NRXN2: variants seen among roughly 807,000 people sequenced by gnomAD.
NRXN2 encodes the protein neurexin 2, also known as neurexin-2-beta.
Under a neutral mutation model 128.8 loss-of-function variants are expected in NRXN2, and 29 were observed. The ratio of observed to expected loss-of-function variants is 0.23; its 90% confidence interval spans 0.17 to 0.31. The LOEUF is 0.31. Among genes scored for constraint, NRXN2 ranks in the 10% least tolerant of loss-of-function variants. The pLI, the probability that NRXN2 is intolerant of heterozygous loss-of-function variation, is 1.00. For missense variants in NRXN2, 1,881 were observed against 2,452.6 expected (o/e 0.77, Z 4.92); for synonymous variants, 1,098 against 1,075.2 (o/e 1.02, Z -0.41).
In NRXN2 at chr11:64,660,606, A is replaced by G. The variant is rs894781552; in HGVS notation, c.2186-71T>C. On this transcript the variant is annotated intron_variant, in intron 10 of 22. Transcript: ENST00000265459. The surrounding 1 kb of genome is among the most constrained non-coding windows in gnomAD (Gnocchi z 5.2). ...GCCAGGGGAGGGAGAAGACCAGAGA[A>G]TCATTACAAGGGCGAAAAGCCTAGG... 1 of 1,594,836 alleles carries G rather than the reference A, an allele frequency of 6.3e-7. No individual in the cohort carries two copies. The highest frequency in any genetic ancestry group is 1.3e-5 in the African/African-American group (1 of 74,718).
chr11:64,626,157 C>T (rs2043043129), intron 20 of NRXN2, among the ~76,000 whole-genome samples: 1 of 152,122 alleles, frequency 6.6e-6, no homozygotes, highest in Non-Finnish European at 1.5e-5. Flanking sequence ...TACTGCCGGG[C>T]TCACAGTGGG....
At chr11:64,671,035 A>G (rs2050561464) in intron 7 of NRXN2, among the ~76,000 whole-genome samples, 1 of 152,212 alleles carries the variant, frequency 6.6e-6, no homozygotes, top group African/African-American at 2.4e-5. Context: ...AAGAGGTGAC[A>G]GTGTGGGGTA....
At position 64,681,201 on chromosome 11, in the gene NRXN2, G is replaced by T. The variant is rs1306736233; in HGVS notation, c.1153-4164C>A. Among the ~76,000 whole-genome samples, 7 of 151,060 alleles carry T rather than the reference G, an allele frequency of 4.6e-5. No homozygotes were observed. In the South Asian group the frequency reaches 1.5e-3, roughly 32 times the overall value. ...GTTCAGTGCTCACATGAAGTAGTTA[G>T]ATCTGCTACTTTTGGACATGGGTCC... On this transcript the variant is annotated intron_variant, in intron 6 of 22. Coordinates refer to ENST00000265459, the MANE Select transcript of NRXN2 (RefSeq NM_015080.4).
chr11:64,639,529 A>G (rs1014141884), intron 17 of NRXN2, among the ~76,000 whole-genome samples: 1 of 152,162 alleles, frequency 6.6e-6, no homozygotes, highest in African/African-American at 2.4e-5. Context: ...AAGGACTCTG[A>G]AACCAGAATT....
chr11:64,665,253 C>T (rs527327536), intron 9 of NRXN2, among the ~76,000 whole-genome samples: 1 of 151,858 alleles, frequency 6.6e-6, no homozygotes, highest in East Asian at 1.9e-4. Context: ...TGCACTCCAG[C>T]CTGGCGACAG....
At position 64,651,163 on chromosome 11, in the gene NRXN2, G is replaced by T; in HGVS notation, c.2918+92C>A. On this transcript the variant is annotated intron_variant, in intron 14 of 22. Transcript: ENST00000265459. The surrounding 1 kb of genome is among the most constrained non-coding windows in gnomAD (Gnocchi z 5.9). ...CTTGACTTGTGATCTGGGGGGATTG[G>T]ACACCTCGGCCAGTAGCCAGGAGAG... 6.4e-7 allele frequency: 1 copy of T among 1,552,096 alleles called. No homozygotes were observed. Among genetic ancestry groups the T allele is most frequent in the Admixed American group, 1.7e-5 (1 of 59,782 alleles).
At chr11:64,613,381 G>A (rs189192844) in intron 22 of NRXN2, among the ~76,000 whole-genome samples, 19 of 152,322 alleles carry the variant, frequency 1.2e-4, no homozygotes, top group Admixed American at 8.5e-4. Flanking sequence ...GAGCACCAGC[G>A]GTGCACCCCA....
Position 64,660,604 on chromosome 11 carries a change from G to A in NRXN2, c.2186-69C>T. On this transcript the variant is annotated intron_variant, in intron 10 of 22. Transcript: ENST00000265459. This position sits in a 1 kb window ranked among gnomAD's most constrained non-coding sequence, Gnocchi z 5.2. ...AGGCCAGGGGAGGGAGAAGACCAGA[G>A]AATCATTACAAGGGCGAAAAGCCTA... 8 of 1,594,450 alleles carry A rather than the reference G, an allele frequency of 5.0e-6. No homozygotes were observed. The highest frequency in any genetic ancestry group is 4.3e-6 in the Non-Finnish European group (5 of 1,166,324).
At chr11:64,705,838 T>C (rs1361973120) in intron 2 of NRXN2, among the ~76,000 whole-genome samples, 2 of 149,222 alleles carry the variant, frequency 1.3e-5, no homozygotes, top group African/African-American at 2.5e-5. Context: ...CTGACCCCTC[T>C]CCTCCCACTC....
rs369740687 is a variant in NRXN2 at position 64,684,121 on chromosome 11, T to C, written c.1152+1525A>G. 1.1e-4 allele frequency among the ~76,000 whole-genome samples: 16 copies of C among 152,250 alleles called. No individual in the cohort carries two copies. In the South Asian group the frequency reaches 3.1e-3, roughly 30 times the overall value. ...CTCTGTTCCCAGTATGGATGTGCCA[T>C]GTATTTTTTGGTCATATGATGCATG... is the stretch of plus-strand genomic sequence containing the variant. On this transcript the variant is annotated intron_variant, in intron 6 of 22. Transcript: ENST00000265459.
intron 7 of NRXN2, among the ~76,000 whole-genome samples, chr11:64,673,143 T>A (rs1311813626): frequency 1.3e-5 from 2 of 152,186 alleles, no homozygotes; most frequent in Admixed American, 6.5e-5. Context: ...CCCCATCTGT[T>A]AACTGGAAAC....
Position 64,651,960 on chromosome 11 carries a change from G to A in NRXN2, c.2536+75C>T. The stretch of plus-strand genomic sequence containing the variant: ...TGCCCTAGGAATGGCAGCCCAGGCA[G>A]TAGTCACCAAGTAGAACAGGGCCAA... On this transcript the variant is annotated intron_variant, in intron 13 of 22. Coordinates refer to ENST00000265459, the MANE Select transcript of NRXN2 (RefSeq NM_015080.4). This position sits in a 1 kb window ranked among gnomAD's most constrained non-coding sequence, Gnocchi z 5.9. The A allele has an allele frequency of 6.3e-7, 1 of 1,595,510 alleles. No individual in the cohort carries two copies. Among genetic ancestry groups the A allele is most frequent in the Non-Finnish European group, 8.5e-7 (1 of 1,174,614 alleles).
chr11:64,663,598 A>T (rs891425940), intron 9 of NRXN2, among the ~76,000 whole-genome samples: 16 of 152,046 alleles, frequency 1.1e-4, no homozygotes, highest in South Asian at 4.1e-4. Flanking sequence ...TGCTCTGCCC[A>T]CCCACTGCAG....
At chr11:64,612,455 A>T (rs1032080924) in intron 22 of NRXN2, among the ~76,000 whole-genome samples, 2 of 152,156 alleles carry the variant, frequency 1.3e-5, no homozygotes, top group African/African-American at 4.8e-5. Flanking sequence ...CACAGATGCC[A>T]CCCGCCCACC....
intron 7 of NRXN2, among the ~76,000 whole-genome samples, chr11:64,673,766 C>T (rs1407960627): frequency 2.6e-5 from 4 of 151,966 alleles, no homozygotes; most frequent in Non-Finnish European, 4.4e-5. Flanking sequence ...TGCTGGGGCA[C>T]GATGGCTCAT....
At chr11:64,680,546 T>C (rs1404626459) in intron 6 of NRXN2, among the ~76,000 whole-genome samples, 1 of 152,202 alleles carries the variant, frequency 6.6e-6, no homozygotes, top group African/African-American at 2.4e-5. Context: ...ACTCTACCAC[T>C]TCCTAACTGG....
intron 4 of NRXN2, 83 bp downstream of exon 4, chr11:64,692,764 G>A (rs2053992320): frequency 6.9e-7 from 1 of 1,458,048 alleles, no homozygotes; most frequent in African/African-American, 1.4e-5. Flanking sequence ...AGGGGACAGG[G>A]GAAGGACAGG....
intron 1 of NRXN2, among the ~76,000 whole-genome samples, chr11:64,720,838 G>A (rs1353604693): frequency 6.6e-6 from 1 of 152,138 alleles, no homozygotes; most frequent in Non-Finnish European, 1.5e-5. Flanking sequence ...GGAGGGATGG[G>A]GTGTCTGGAA....
rs1433030805 is a variant in NRXN2 at position 64,607,545 on chromosome 11, C to A, written c.4790G>T (p.Arg1597Leu). 6.4e-7 allele frequency: 1 copy of A among 1,554,482 alleles called. No homozygotes were observed. The highest frequency in any genetic ancestry group is 1.9e-5 in the Admixed American group (1 of 53,256). ...GCCGGGGGCTGAGGTCACGCCGGGG[C>A]GCAGGGGAGGGGGCCTCCGCGGCTC... Reference protein sequence around the residue: ...SFEPRRPPPLRPGVTSAPGFP... With the variant: ...SFEPRRPPPLLPGVTSAPGFP... Residue 1597 changes from arginine to leucine, a missense_variant, in exon 23 of 23, where the codon CGC becomes CTC. Arg to Leu is a moderately radical substitution (Grantham distance 102, BLOSUM62 -2). Transcript: ENST00000265459.
Sources: gnomAD v4.1 joint callset for allele counts (sites outside exome capture counted in the v4.1 genomes callset) on GRCh38, gnomAD v4.1.1 for gene constraint, Gnocchi (gnomAD v3.1) non-coding constraint, MANE v1.5 for transcripts, NCBI Gene and HGNC (gene_info 2026-07-23, HGNC 2026-07-21) for gene names.